Variants in ZNF711 observed in about 807,000 individuals in gnomAD.
ZNF711 encodes the protein ZFX family zinc finger ZNF711, also known as zinc finger protein 711.
In ZNF711, 3 loss-of-function variants were observed where a neutral mutation model predicts 43.5. That is an observed-to-expected ratio of 0.07 (90% confidence interval 0.03 to 0.18). ZNF711 has a LOEUF of 0.18. ZNF711 is among the 10% of genes least tolerant of loss of function. The probability of loss-of-function intolerance (pLI) is 1.00; values close to 1 mark genes in which losing one functional copy is unlikely to be tolerated. For synonymous variants in ZNF711, 209 were observed against 207.7 expected, an observed-to-expected ratio of 1.01 and a Z score of -0.06; for missense variants, 412 against 604.0, an observed-to-expected ratio of 0.68 and a Z score of 3.33.
chrX:85,268,060 A>G (rs1171745133), intron 8 of ZNF711, among the ~76,000 whole-genome samples: 2 of 110,977 alleles, frequency 1.8e-5, no homozygotes, highest in Non-Finnish European at 3.8e-5. Flanking sequence ...GTTTTCATTT[A>G]AAAAGTAAAA....
intron 6 of ZNF711, 93 bp downstream of exon 6, chrX:85,264,523 G>T (rs1479644303): frequency 1.4e-5 from 12 of 850,703 alleles, no homozygotes; most frequent in East Asian, 3.5e-5. Context: ...CAAAGCATGG[G>T]TTTTTTTAAT....
At position 85,273,173 on chromosome X, in the gene ZNF711, T is replaced by C. The variant is rs1931679226; in HGVS notation, c.*1345T>C. 1 of 112,055 alleles carries C rather than the reference T, an allele frequency of 8.9e-6. No individual in the cohort carries two copies. The highest frequency in any genetic ancestry group is 9.6e-5 in the Admixed American group (1 of 10,465). The allele number at this position is 112,055 out of a possible 1,213,427, so 9.2% of individuals were successfully genotyped here. On this transcript the variant is annotated 3_prime_UTR_variant, in exon 11 of 11. Transcript: ENST00000674551. ...TTTGCACCAGATAAGAATCAGTTCC[T>C]TGAGAATAAATTTTTTATCTTTCTT...
intron 5 of ZNF711, among the ~76,000 whole-genome samples, chrX:85,261,021 A>G (rs1930597149): frequency 2.7e-5 from 3 of 111,415 alleles, no homozygotes; most frequent in African/African-American, 9.7e-5. Flanking sequence ...AAAATAAAAT[A>G]TATTTACTAT....
At chrX:85,261,739 A>G (rs973306943) in intron 5 of ZNF711, among the ~76,000 whole-genome samples, 1 of 111,277 alleles carries the variant, frequency 9.0e-6, no homozygotes. Flanking sequence ...ACTTTCTTAT[A>G]TTATATTTAG....
At chrX:85,254,043 A>C (rs1929798681) in intron 4 of ZNF711, among the ~76,000 whole-genome samples, 1 of 111,100 alleles carries the variant, frequency 9.0e-6, no homozygotes, top group African/African-American at 3.3e-5. Flanking sequence ...CCAACCATTC[A>C]CCTGCTAAAG....
At chrX:85,251,969 C>A (rs186360115) in intron 4 of ZNF711, among the ~76,000 whole-genome samples, 10 of 111,430 alleles carry the variant, frequency 9.0e-5, no homozygotes, top group Non-Finnish European at 1.7e-4. Flanking sequence ...TCGCACTCAC[C>A]TTATACAGTT....
At chrX:85,268,268 C>CT (rs753221892) in intron 8 of ZNF711, 26 bp from the exon 9 acceptor site, 44,433 of 867,023 alleles carry the variant, frequency 0.051, 293 homozygotes, top group African/African-American at 0.12. Context: ...TGTAATTGGT[C>CT]TTTTTTTTTT....
At chrX:85,269,481 A>G (rs934593663) in intron 9 of ZNF711, among the ~76,000 whole-genome samples, 2 of 108,251 alleles carry the variant, frequency 1.8e-5, no homozygotes, top group Non-Finnish European at 3.8e-5. Context: ...CCTGGGCTCA[A>G]GCAATCCTCC....
At chrX:85,260,611 C>T (rs1459941810) in intron 5 of ZNF711, among the ~76,000 whole-genome samples, 1 of 96,433 alleles carries the variant, frequency 1.0e-5, no homozygotes, top group African/African-American at 4.5e-5. Context: ...GTTAGCCCCC[C>T]CCCCATCCAC....
intron 5 of ZNF711, among the ~76,000 whole-genome samples, chrX:85,262,659 G>C (rs1602987937): frequency 9.1e-6 from 1 of 109,845 alleles, no homozygotes; most frequent in African/African-American, 3.3e-5. Flanking sequence ...ATAATTAGGA[G>C]CTCTGATGGA....
chrX:85,251,955 A>G (rs1358295557), intron 4 of ZNF711, among the ~76,000 whole-genome samples: 1 of 111,656 alleles, frequency 9.0e-6, no homozygotes, highest in Admixed American at 9.5e-5. Flanking sequence ...TAAAATGAGG[A>G]TAATCGCACT....
intron 5 of ZNF711, among the ~76,000 whole-genome samples, chrX:85,263,631 A>C (rs1427211117): frequency 1.8e-5 from 2 of 109,703 alleles, no homozygotes; most frequent in Non-Finnish European, 3.8e-5. Context: ...TTAATTTGGG[A>C]ACTGTAGTTT....
rs1157869115 is a variant in ZNF711 at position 85,270,112 on chromosome X, G to A, written c.1212G>A (p.Lys404=). The change falls in exon 10 of 11, where the codon AAG becomes AAA. Residue 404 remains lysine (K), a synonymous_variant. Transcript: ENST00000674551. ...TNKVLKQKAK[K]RRRGETRQWQ... ...AAGTACTTAAACAAAAAGCCAAAAA[G>A]AGGAGAAGGGGAGAAACCAGGCAGT... The A allele has an allele frequency of 8.3e-7, 1 of 1,208,285 alleles. No individual in the cohort carries two copies. Among genetic ancestry groups the A allele is most frequent in the Non-Finnish European group, 1.1e-6 (1 of 894,393 alleles).
chrX:85,268,271 T>C, intron 8 of ZNF711, 23 bp from the exon 9 acceptor site: 1 of 661,577 alleles, frequency 1.5e-6, no homozygotes, highest in Non-Finnish European at 2.0e-6. Flanking sequence ...AATTGGTCTT[T>C]TTTTTTTTTT....
intron 1 of ZNF711, chrX:85,244,733 GA>G (rs1454133587): frequency 2.8e-5 from 3 of 108,920 alleles, no homozygotes; most frequent in East Asian, 2.9e-4. Flanking sequence ...GAGTTGGGGG[GA>G]GGGGGGGGGC....
At chrX:85,259,200 A>G (rs773472918) in intron 5 of ZNF711, among the ~76,000 whole-genome samples, 209 of 110,944 alleles carry the variant, frequency 1.9e-3, no homozygotes, top group Non-Finnish European at 3.0e-3. Context: ...TTTGCCAAAG[A>G]TTAGATGGTT....
At position 85,270,747 on chromosome X, in the gene ZNF711, TGAA is replaced by T; in HGVS notation, c.1347_1349del (p.Lys449del). ...TCCAGGGGATTCTTAAAAAGACACA[TGAA>T]GAATCATCCTGATCATTTAATGAGA... On this transcript the variant is annotated inframe_deletion, in exon 11 of 11. Transcript: ENST00000674551. 1 of 1,205,256 alleles carries T rather than the reference TGAA, an allele frequency of 8.3e-7. No individual in the cohort carries two copies. The highest frequency in any genetic ancestry group is 1.1e-6 in the Non-Finnish European group (1 of 891,581).
chrX:85,248,964 C>A (rs149412236), intron 4 of ZNF711, among the ~76,000 whole-genome samples: 1 of 111,848 alleles, frequency 8.9e-6, no homozygotes, highest in East Asian at 2.8e-4. Flanking sequence ...TACTGAATTC[C>A]CTTTTATAAT....
intron 4 of ZNF711, among the ~76,000 whole-genome samples, chrX:85,251,794 T>C (rs1165690394): frequency 9.1e-6 from 1 of 110,131 alleles, no homozygotes; most frequent in African/African-American, 3.3e-5. Context: ...TACACCTCTC[T>C]TTAAAAAACA....
Sources: allele counts gnomAD v4.1 joint callset (sites outside exome capture counted in the v4.1 genomes callset), GRCh38; gene constraint gnomAD v4.1.1; transcripts MANE v1.5; gene names NCBI Gene and HGNC (gene_info 2026-07-23, HGNC 2026-07-21).